Variants in COBLL1 observed in about 807,000 individuals in gnomAD.
COBLL1 encodes the protein cordon-bleu protein-like 1.
A neutral mutation model predicts 94.8 loss-of-function variants in COBLL1; 50 were observed. The observed-to-expected ratio is 0.53, with a 90% CI of 0.42 to 0.67. The LOEUF (loss-of-function observed/expected upper bound fraction) is 0.67. Ranked by LOEUF, COBLL1 falls within the 30% of genes least tolerant of loss-of-function variation. The pLI is 0.00. For synonymous variants in COBLL1, 448 were observed against 473.8 expected (o/e 0.95, Z 0.71); for missense variants, 1,362 against 1,348.7 (o/e 1.01, Z -0.15).
chr2:164,662,931 C>T (rs1301799164), intron 2 of COBLL1, among the ~76,000 whole-genome samples: 1 of 152,112 alleles, frequency 6.6e-6, no homozygotes, highest in Non-Finnish European at 1.5e-5. Flanking sequence ...AATCTCTTTT[C>T]TTTATAAATT....
Position 164,841,744 on chromosome 2 carries a change from C to T in COBLL1, c.-85G>A, listed in dbSNP as rs886951415. On this transcript the variant is annotated 5_prime_UTR_variant, in exon 1 of 14. Transcript: ENST00000652658. This position sits in a 1 kb window ranked among gnomAD's most constrained non-coding sequence, Gnocchi z 5.5. ...CAAAGGAGACAGTAGCTCGCCTGTT[C>T]TCCCTCGCGGCTTCCTCTCCTACTC... 1 of 533,778 alleles carries T rather than the reference C, an allele frequency of 1.9e-6. No homozygotes were observed. The highest frequency in any genetic ancestry group is 2.0e-5 in the African/African-American group (1 of 49,294). 33.1% of individuals were successfully genotyped at this position (533,778 alleles called of 1,614,324 possible).
chr2:164,773,694 C>A, intron 2 of COBLL1: 1 of 1,119,596 alleles, frequency 8.9e-7, no homozygotes, highest in African/African-American at 1.6e-5. Context: ...TTTTACACAA[C>A]GTATTTACTT....
At chr2:164,734,272 C>T (rs1686178569) in intron 3 of COBLL1, among the ~76,000 whole-genome samples, 1 of 149,834 alleles carries the variant, frequency 6.7e-6, no homozygotes, top group South Asian at 2.1e-4. Flanking sequence ...AAAATGACAC[C>T]AGAATTGAGA....
At position 164,805,287 on chromosome 2, in the gene COBLL1, GTCTCTCTCTCTCTCTCTCTCTC is replaced by G. The variant is rs543005860; in HGVS notation, c.41+35847_41+35868del. 1.3e-3 allele frequency among the ~76,000 whole-genome samples: 46 copies of G among 34,240 alleles called. 5 individuals are homozygous for G. The highest frequency in any genetic ancestry group is 2.1e-3 in the African/African-American group (16 of 7,462). 22.5% of individuals were successfully genotyped at this position (34,240 alleles called of 152,430 possible). A position where few individuals can be genotyped will look rare whatever the true frequency, so the allele number is the denominator to read the frequency against. On this transcript the variant is annotated intron_variant, in intron 2 of 13. Coordinates refer to ENST00000652658, the MANE Select transcript of COBLL1 (RefSeq NM_001365672.2). ...TACTGATATATTATTCTCTCTGTCT[GTCTCTCTCTCTCTCTCTCTCTC>G]TCTCTCTCTCTCTCTCTCTCTCTCT...
intron 7 of COBLL1, among the ~76,000 whole-genome samples, chr2:164,714,392 A>C (rs1685061873): frequency 6.8e-6 from 1 of 146,876 alleles, no homozygotes; most frequent in Admixed American, 6.8e-5. Flanking sequence ...AAAAAAAACC[A>C]GGATGAACCA....
intron 2 of COBLL1, among the ~76,000 whole-genome samples, chr2:164,749,868 G>A (rs1028328472): frequency 6.6e-6 from 1 of 151,590 alleles, no homozygotes; most frequent in African/African-American, 2.4e-5. Context: ...GTCTCATCTT[G>A]GTCACACTGA....
intron 3 of COBLL1, 82 bp from the exon 4 acceptor site, chr2:164,730,197 T>A: frequency 8.3e-7 from 1 of 1,202,932 alleles, no homozygotes; most frequent in Non-Finnish European, 1.2e-6. Context: ...TAAACAAGTC[T>A]ACAAGATAGT....
At chr2:164,803,151 G>C (rs890682191) in intron 2 of COBLL1, among the ~76,000 whole-genome samples, 1 of 152,168 alleles carries the variant, frequency 6.6e-6, no homozygotes, top group Non-Finnish European at 1.5e-5. Context: ...ATGTTAGAAA[G>C]TAACTTTTAC....
chr2:164,799,537 A>G (rs1225140902), intron 2 of COBLL1, among the ~76,000 whole-genome samples: 1 of 152,232 alleles, frequency 6.6e-6, no homozygotes, highest in African/African-American at 2.4e-5. Flanking sequence ...TTTCAAATTT[A>G]TCTGTATTTT....
downstream of COBLL1, among the ~76,000 whole-genome samples, chr2:164,679,636 T>C (rs1682951298): frequency 6.6e-6 from 1 of 152,018 alleles, no homozygotes; most frequent in Non-Finnish European, 1.5e-5. Context: ...AACTGGTATT[T>C]AAATTTCATT....
intron 2 of COBLL1, among the ~76,000 whole-genome samples, chr2:164,793,740 T>C (rs1196649969): frequency 6.6e-6 from 1 of 152,210 alleles, no homozygotes; most frequent in African/African-American, 2.4e-5. Flanking sequence ...AAAATCATCC[T>C]AGTATGTCAT....
At chr2:164,710,403 G>A (rs1684829139) in intron 7 of COBLL1, among the ~76,000 whole-genome samples, 1 of 152,082 alleles carries the variant, frequency 6.6e-6, no homozygotes, top group Non-Finnish European at 1.5e-5. Flanking sequence ...GACTGGAGAG[G>A]CTCCAAACCC....
intron 2 of COBLL1, among the ~76,000 whole-genome samples, chr2:164,814,926 T>C (rs1181173709): frequency 1.3e-5 from 2 of 152,202 alleles, no homozygotes; most frequent in Non-Finnish European, 2.9e-5. Flanking sequence ...TTGACATAAG[T>C]GTCTCAGCAT....
intron 2 of COBLL1, among the ~76,000 whole-genome samples, chr2:164,775,834 G>A (rs1688436877): frequency 6.6e-6 from 1 of 152,056 alleles, no homozygotes; most frequent in Admixed American, 6.6e-5. Flanking sequence ...TCAGTTATAA[G>A]GGATCACCCT....
intron 2 of COBLL1, among the ~76,000 whole-genome samples, chr2:164,790,562 T>C (rs1259041027): frequency 6.6e-6 from 1 of 152,188 alleles, no homozygotes. Context: ...GGTTTCCTTA[T>C]ACATCATTTT....
chr2:164,730,380 C>T (rs373865091), intron 3 of COBLL1, among the ~76,000 whole-genome samples: 6 of 151,170 alleles, frequency 4.0e-5, no homozygotes, highest in South Asian at 4.2e-4. Flanking sequence ...TGCCTGTAGT[C>T]CCACCTACTC....
At chr2:164,768,595 C>T (rs1001817966) in intron 2 of COBLL1, among the ~76,000 whole-genome samples, 10 of 152,044 alleles carry the variant, frequency 6.6e-5, no homozygotes, top group African/African-American at 2.2e-4. Context: ...AATAATCCCT[C>T]TTATCTGGGG....
chr2:164,782,680 T>C (rs1485878798), intron 2 of COBLL1, among the ~76,000 whole-genome samples: 1 of 152,194 alleles, frequency 6.6e-6, no homozygotes, highest in Non-Finnish European at 1.5e-5. Context: ...TTCTATCTTG[T>C]GTATTTTACC....
At chr2:164,700,373 T>C (rs1684186233) in intron 10 of COBLL1, 149 bp downstream of exon 10, 1 of 542,390 alleles carries the variant, frequency 1.8e-6, no homozygotes, top group Admixed American at 3.6e-5. Flanking sequence ...AGTACTTCAT[T>C]AATAAACATT....
Sources: allele counts gnomAD v4.1 joint callset (sites outside exome capture counted in the v4.1 genomes callset), GRCh38; gene constraint gnomAD v4.1.1; non-coding constraint Gnocchi (gnomAD v3.1); transcripts MANE v1.5; gene names NCBI Gene and HGNC (gene_info 2026-07-23, HGNC 2026-07-21).